Variants in DLG2 observed in about 807,000 individuals in gnomAD.
DLG2 encodes disks large homolog 2.
DLG2 carries 45 observed loss-of-function variants against 132.5 expected under a neutral mutation model. The ratio of observed to expected loss-of-function variants is 0.34; its 90% CI spans 0.27 to 0.44. DLG2 has a LOEUF of 0.44. Ranked by LOEUF, DLG2 falls within the 20% of genes least tolerant of loss-of-function variation. The pLI, the probability that DLG2 is intolerant of heterozygous loss-of-function variation, is 1.00. For missense variants in DLG2, 1,045 were observed against 1,196.9 expected (o/e 0.87, Z 1.87); for synonymous variants, 424 against 419.6 (o/e 1.01, Z -0.13).
intron 17 of DLG2, among the ~76,000 whole-genome samples, chr11:83,811,630 T>C (rs1255073715): frequency 6.6e-6 from 1 of 152,150 alleles, no homozygotes; most frequent in Admixed American, 6.6e-5. Flanking sequence ...TCCTGGTTCT[T>C]TTTCCCAAAA....
intron 6 of DLG2, among the ~76,000 whole-genome samples, chr11:85,028,506 C>T (rs746799059): frequency 2.0e-5 from 3 of 152,134 alleles, no homozygotes; most frequent in Non-Finnish European, 2.9e-5. Flanking sequence ...AGGCCCACAT[C>T]GAGCTGCCTC....
intron 6 of DLG2, among the ~76,000 whole-genome samples, chr11:84,624,623 T>G (rs17807909): frequency 0.011 from 1,678 of 151,642 alleles, 16 homozygotes; most frequent in South Asian, 0.023. Context: ...TCACTATCAT[T>G]CCCATTTAAT....
At chr11:84,135,892 CT>C (rs1470190599) in intron 9 of DLG2, among the ~76,000 whole-genome samples, 1 of 152,002 alleles carries the variant, frequency 6.6e-6, no homozygotes, top group Non-Finnish European at 1.5e-5. Context: ...GACATAAAGA[CT>C]AGTTAGGTGG....
intron 7 of DLG2, among the ~76,000 whole-genome samples, chr11:84,497,656 C>T (rs931661254): frequency 5.9e-5 from 9 of 152,126 alleles, no homozygotes; most frequent in African/African-American, 1.9e-4. Flanking sequence ...TTAGAATTCT[C>T]ATGTCATGAG....
intron 8 of DLG2, among the ~76,000 whole-genome samples, chr11:84,212,922 T>C (rs1027127339): frequency 1.3e-5 from 2 of 152,304 alleles, no homozygotes; most frequent in African/African-American, 4.8e-5. Flanking sequence ...CTCCCTAAAG[T>C]ACTGGGATTA....
chr11:85,298,283 G>T (rs1219093110), intron 3 of DLG2, among the ~76,000 whole-genome samples: 1 of 152,150 alleles, frequency 6.6e-6, no homozygotes, highest in Non-Finnish European at 1.5e-5. Context: ...GTTTTCAATA[G>T]AGATAGATAA....
intron 8 of DLG2, among the ~76,000 whole-genome samples, chr11:84,172,320 C>T (rs1481707857): frequency 2.0e-5 from 3 of 152,048 alleles, no homozygotes; most frequent in Non-Finnish European, 4.4e-5. Flanking sequence ...TAAAAACAAT[C>T]ACTGATATTC....
chr11:83,507,124 A>G (rs1279396889), intron 21 of DLG2, among the ~76,000 whole-genome samples: 2 of 152,142 alleles, frequency 1.3e-5, no homozygotes, highest in African/African-American at 2.4e-5. Context: ...TATAGAGTCA[A>G]TAAACTCCTT....
chr11:84,073,739 C>G (rs1475239568), intron 10 of DLG2, among the ~76,000 whole-genome samples: 1 of 152,106 alleles, frequency 6.6e-6, no homozygotes, highest in Admixed American at 6.6e-5. Flanking sequence ...TCCATAGAAA[C>G]AGGAAAATTA....
At chr11:85,380,438 C>T (rs527767782) in intron 3 of DLG2, among the ~76,000 whole-genome samples, 11 of 152,264 alleles carry the variant, frequency 7.2e-5, no homozygotes, top group Admixed American at 2.0e-4. Flanking sequence ...GCAGGAGGAT[C>T]ACCTGGAGGT....
intron 6 of DLG2, among the ~76,000 whole-genome samples, chr11:84,846,489 A>G (rs2081491961): frequency 6.6e-6 from 1 of 152,058 alleles, no homozygotes; most frequent in Non-Finnish European, 1.5e-5. Flanking sequence ...ACTGCTCTCT[A>G]TCTCCATTGT....
intron 6 of DLG2, among the ~76,000 whole-genome samples, chr11:85,073,253 A>G (rs1173184145): frequency 6.6e-6 from 1 of 151,838 alleles, no homozygotes; most frequent in African/African-American, 2.4e-5. Flanking sequence ...ATTCCCTTCC[A>G]GGTCACTCCA....
intron 7 of DLG2, among the ~76,000 whole-genome samples, chr11:84,517,017 TAAA>T (rs1233257981): frequency 1.2e-4 from 2 of 17,104 alleles, no homozygotes; most frequent in Non-Finnish European, 2.3e-4. Flanking sequence ...AGTAAAAAAA[TAAA>T]AAATAAATAA....
intron 6 of DLG2, among the ~76,000 whole-genome samples, chr11:84,785,761 C>T (rs745386192): frequency 2.0e-4 from 30 of 151,722 alleles, no homozygotes; most frequent in Admixed American, 1.1e-3. Context: ...TGTTTTAACC[C>T]ATTATAATTA....
At chr11:83,723,715 G>A (rs374358106) in intron 18 of DLG2, among the ~76,000 whole-genome samples, 1 of 152,070 alleles carries the variant, frequency 6.6e-6, no homozygotes, top group African/African-American at 2.4e-5. Flanking sequence ...AATTAGCCAG[G>A]CATGGTGGCA....
At chr11:84,309,586 C>A (rs1275765745) in intron 7 of DLG2, among the ~76,000 whole-genome samples, 2 of 152,120 alleles carry the variant, frequency 1.3e-5, no homozygotes, top group African/African-American at 4.8e-5. Flanking sequence ...GATATAATTA[C>A]AAAACATCTA....
At chr11:84,718,436 G>A (rs1351875617) in intron 6 of DLG2, among the ~76,000 whole-genome samples, 1 of 151,960 alleles carries the variant, frequency 6.6e-6, no homozygotes, top group Non-Finnish European at 1.5e-5. Flanking sequence ...AAAAAAAAGT[G>A]TGTGCTTGAA....
intron 3 of DLG2, among the ~76,000 whole-genome samples, chr11:85,487,006 G>A (rs1356237937): frequency 6.7e-6 from 1 of 148,808 alleles, no homozygotes; most frequent in Admixed American, 6.7e-5. Context: ...CTAAACCACC[G>A]AGAAGTTCAA....
chr11:84,947,009 A>G (rs1390144920), intron 6 of DLG2, among the ~76,000 whole-genome samples: 1 of 152,128 alleles, frequency 6.6e-6, no homozygotes, highest in Non-Finnish European at 1.5e-5. Context: ...ACTGATTTCC[A>G]ATGCCAAGTC....
Sources: gnomAD v4.1 joint callset for allele counts (sites outside exome capture counted in the v4.1 genomes callset) on GRCh38, gnomAD v4.1.1 for gene constraint, MANE v1.5 for transcripts, NCBI Gene and HGNC (gene_info 2026-07-23, HGNC 2026-07-21) for gene names.